ARHGAP5: variants seen among roughly 807,000 people sequenced by gnomAD.
ARHGAP5 encodes Rho GTPase activating protein 5, also known as rho GTPase-activating protein 5.
Under a neutral mutation model 116.6 loss-of-function variants are expected in ARHGAP5, and 23 were observed. The observed-to-expected ratio is 0.20, with a 90% confidence interval of 0.14 to 0.28. The LOEUF (loss-of-function observed/expected upper bound fraction) is 0.28, where lower values mean the gene tolerates loss of function less well. ARHGAP5 is among the 10% of genes least tolerant of loss of function. The probability of loss-of-function intolerance (pLI) is 1.00; values close to 1 mark genes in which losing one functional copy is unlikely to be tolerated. For synonymous variants in ARHGAP5, 574 were observed against 602.0 expected (o/e 0.95, Z 0.68); for missense variants, 1,405 against 1,774.8 (o/e 0.79, Z 3.74).
intron 2 of ARHGAP5, among the ~76,000 whole-genome samples, chr14:32,095,407 T>G (rs1467371473): frequency 2.0e-5 from 3 of 149,836 alleles, no homozygotes; most frequent in Non-Finnish European, 4.4e-5. Context: ...CTTTGTTTTT[T>G]TTTTTTTTGT....
Position 32,125,037 on chromosome 14 carries a change from C to T in ARHGAP5, c.3865+7750C>T, listed in dbSNP as rs76914827. Among the ~76,000 whole-genome samples, 649 of 152,204 alleles carry T rather than the reference C, an allele frequency of 4.3e-3. 32 individuals carry two copies. The East Asian group carries it at 0.11, about 26-fold the overall frequency. ...CAATTCATAAATAACATAAAACTAACCATTTTGAAATGTACAGTTCAGTGG... is the reference window on the plus strand; with the variant it reads ...CAATTCATAAATAACATAAAACTAATCATTTTGAAATGTACAGTTCAGTGG... On this transcript the variant is annotated intron_variant, in intron 3 of 6. Coordinates refer to ENST00000345122, the MANE Select transcript of ARHGAP5 (RefSeq NM_001030055.2).
At chr14:32,079,897 C>T (rs553784401) in intron 1 of ARHGAP5, among the ~76,000 whole-genome samples, 3 of 152,212 alleles carry the variant, frequency 2.0e-5, no homozygotes, top group Non-Finnish European at 4.4e-5. Context: ...ATATAATTGG[C>T]TGAAGAAGCA....
In ARHGAP5 at chr14:32,106,794, T is replaced by G. The variant is rs116557159; in HGVS notation, c.3718-10346T>G. ...CTCAGAGCTGTTGTGAAGATTAAGA[T>G]TATGCACATAGTATTAACAAGTGCC... On this transcript the variant is annotated intron_variant, in intron 2 of 6. Transcript: ENST00000345122. Among the ~76,000 whole-genome samples the G allele has an allele frequency of 8.4e-3, 1,282 of 152,312 alleles. 11 individuals are homozygous for G. Among genetic ancestry groups the G allele is most frequent in the African/African-American group, 0.023 (956 of 41,568 alleles).
chr14:32,103,480 TA>T (rs1159061902), intron 2 of ARHGAP5, among the ~76,000 whole-genome samples: 1 of 152,222 alleles, frequency 6.6e-6, no homozygotes, highest in East Asian at 1.9e-4. Flanking sequence ...GAATATTTTG[TA>T]AAAGCATAGT....
At chr14:32,118,636 A>G (rs1594369023) in intron 3 of ARHGAP5, among the ~76,000 whole-genome samples, 2 of 152,340 alleles carry the variant, frequency 1.3e-5, no homozygotes, top group East Asian at 3.9e-4. Context: ...TTTTCCCTTC[A>G]GCAAATACTT....
At chr14:32,082,072 T>G (rs1326899345) in intron 1 of ARHGAP5, among the ~76,000 whole-genome samples, 1 of 152,150 alleles carries the variant, frequency 6.6e-6, no homozygotes, top group Non-Finnish European at 1.5e-5. Context: ...AATCTATCGC[T>G]GCTGTGGAGG....
At chr14:32,147,136 A>G (rs892628541) in intron 4 of ARHGAP5, among the ~76,000 whole-genome samples, 3 of 152,222 alleles carry the variant, frequency 2.0e-5, no homozygotes, top group Non-Finnish European at 4.4e-5. Flanking sequence ...TCTATATGCG[A>G]TTAAAGATTT....
intron 1 of ARHGAP5, among the ~76,000 whole-genome samples, chr14:32,080,599 A>G (rs565091108): frequency 1.3e-5 from 2 of 152,238 alleles, no homozygotes; most frequent in African/African-American, 4.8e-5. Flanking sequence ...GATAAATTAG[A>G]TATAGGTATA....
intron 2 of ARHGAP5, 90 bp from the exon 3 acceptor site, chr14:32,117,049 TC>T: frequency 1.0e-6 from 1 of 1,001,802 alleles, no homozygotes; most frequent in Non-Finnish European, 1.4e-6. Flanking sequence ...ATAAAATTTT[TC>T]TTTTGATCCG....
intron 3 of ARHGAP5, among the ~76,000 whole-genome samples, chr14:32,131,982 C>T (rs375019728): frequency 1.1e-4 from 16 of 152,250 alleles, no homozygotes; most frequent in African/African-American, 2.9e-4. Flanking sequence ...TCCAGTCTGT[C>T]CTTGTTGGAC....
chr14:32,124,060 C>T (rs1023106523), intron 3 of ARHGAP5, among the ~76,000 whole-genome samples: 5 of 152,120 alleles, frequency 3.3e-5, no homozygotes, highest in Non-Finnish European at 5.9e-5. Flanking sequence ...TGGTATTCTA[C>T]CCCACAAATT....
chr14:32,112,069 G>C (rs191992545), intron 2 of ARHGAP5, among the ~76,000 whole-genome samples: 1 of 151,806 alleles, frequency 6.6e-6, no homozygotes, highest in Non-Finnish European at 1.5e-5. Flanking sequence ...CGCCCGTTTC[G>C]GCCTCCCAAA....
intron 1 of ARHGAP5, among the ~76,000 whole-genome samples, chr14:32,083,794 A>G (rs1368388503): frequency 6.6e-6 from 1 of 152,124 alleles, no homozygotes; most frequent in African/African-American, 2.4e-5. Context: ...TTGCATATCA[A>G]ATTATGCCCT....
At chr14:32,107,126 C>G (rs1347309690) in intron 2 of ARHGAP5, among the ~76,000 whole-genome samples, 1 of 152,050 alleles carries the variant, frequency 6.6e-6, no homozygotes, top group African/African-American at 2.4e-5. Flanking sequence ...GCCTTAAATT[C>G]CACTGATTTT....
intron 4 of ARHGAP5, 120 bp from the exon 5 acceptor site, chr14:32,149,782 A>G: frequency 1.8e-6 from 1 of 548,268 alleles, no homozygotes; most frequent in Non-Finnish European, 2.8e-6. Context: ...TCAAAAAAAA[A>G]AAGAAAAAGA....
At position 32,158,480 on chromosome 14, in the gene ARHGAP5, A is replaced by G. The variant is rs1881992251; in HGVS notation, c.*3532A>G. ...CTATTCTAGTTATAGCAGAGCTGCTAATATTAACGAATATATTTGTGTCTT... is the reference window on the plus strand; with the variant it reads ...CTATTCTAGTTATAGCAGAGCTGCTGATATTAACGAATATATTTGTGTCTT... On this transcript the variant is annotated 3_prime_UTR_variant, in exon 7 of 7. Transcript: ENST00000345122. 6.6e-6 allele frequency: 1 copy of G among 152,010 alleles called. No individual in the cohort carries two copies. Among genetic ancestry groups the G allele is most frequent in the Non-Finnish European group, 1.5e-5 (1 of 67,870 alleles). The allele number at this position is 152,010 out of a possible 1,614,324, so 9.4% of individuals were successfully genotyped here.
chr14:32,087,420 C>G (rs567570482), intron 1 of ARHGAP5, among the ~76,000 whole-genome samples: 1 of 151,318 alleles, frequency 6.6e-6, no homozygotes, highest in Admixed American at 6.6e-5. Context: ...CTTTTGAGGG[C>G]AAGGTGACAA....
At chr14:32,144,431 T>G (rs980380501) in intron 3 of ARHGAP5, among the ~76,000 whole-genome samples, 4 of 152,058 alleles carry the variant, frequency 2.6e-5, no homozygotes, top group Admixed American at 6.6e-5. Context: ...GTGAGTTGTT[T>G]CTGTCACTGT....
In ARHGAP5 at chr14:32,077,349, G is replaced by A; in HGVS notation, c.-255G>A. ...GAGTGGAGGAGGAGGCGGCGGCGGC[G>A]GGAGCGGTCCCCAGGAATGTCGCTG... On this transcript the variant is annotated 5_prime_UTR_variant, in exon 1 of 7. Transcript: ENST00000345122. 1 of 697,380 alleles carries A rather than the reference G, an allele frequency of 1.4e-6. No individual in the cohort carries two copies. Among genetic ancestry groups the A allele is most frequent in the South Asian group, 1.5e-5 (1 of 67,286 alleles). 43.2% of individuals were successfully genotyped at this position (697,380 alleles called of 1,614,324 possible). A position where few individuals can be genotyped will look rare whatever the true frequency, so the allele number is the denominator to read the frequency against.
Sources: allele counts gnomAD v4.1 joint callset (sites outside exome capture counted in the v4.1 genomes callset), GRCh38; gene constraint gnomAD v4.1.1; transcripts MANE v1.5; gene names NCBI Gene and HGNC (gene_info 2026-07-23, HGNC 2026-07-21).